Variants in VPS8 observed in about 807,000 individuals in gnomAD.
The protein encoded by VPS8 is VPS8 subunit of CORVET complex.
In VPS8, 129 loss-of-function variants were observed where a neutral mutation model predicts 216.4. The ratio of observed to expected loss-of-function variants is 0.60; its 90% confidence interval spans 0.52 to 0.69. The LOEUF (loss-of-function observed/expected upper bound fraction) is 0.69. VPS8 is among the 30% of genes least tolerant of loss of function. VPS8 has a pLI of 0.00. For synonymous variants in VPS8, 571 were observed against 565.4 expected (o/e 1.01, Z -0.14); for missense variants, 1,531 against 1,683.5 (o/e 0.91, Z 1.59).
intron 7 of VPS8, among the ~76,000 whole-genome samples, chr3:184,842,984 G>A (rs1722468749): frequency 6.8e-6 from 1 of 148,098 alleles, no homozygotes; most frequent in Non-Finnish European, 1.5e-5. Context: ...AATTGTTTTT[G>A]TTTTTATCTA....
rs892416207 is a variant in VPS8 at position 185,041,743 on chromosome 3, A to G, written c.4057-6736A>G. ...TGTAAAGGTCATGGAATTTGAACAGAGCTTCGCAGATTGTGCTGCTCTAAT... is the reference window on the plus strand; with the variant it reads ...TGTAAAGGTCATGGAATTTGAACAGGGCTTCGCAGATTGTGCTGCTCTAAT... On this transcript the variant is annotated intron_variant, in intron 46 of 47. Coordinates refer to ENST00000625842, the MANE Select transcript of VPS8 (RefSeq NM_001009921.3). 1.1e-4 allele frequency among the ~76,000 whole-genome samples: 17 copies of G among 152,354 alleles called. No homozygotes were observed. The South Asian group carries it at 3.5e-3, about 32-fold the overall frequency.
intron 8 of VPS8, among the ~76,000 whole-genome samples, chr3:184,847,995 C>G (rs1723456089): frequency 6.6e-6 from 1 of 152,110 alleles, no homozygotes; most frequent in Non-Finnish European, 1.5e-5. Flanking sequence ...TCACTGCAAC[C>G]TTTGCCTTCT....
intron 46 of VPS8, among the ~76,000 whole-genome samples, chr3:185,030,386 C>T (rs913143726): frequency 9.2e-5 from 14 of 152,152 alleles, no homozygotes; most frequent in African/African-American, 3.1e-4. Context: ...GTTTTAGATC[C>T]GCTTTCTCTG....
chr3:184,991,306 G>A (rs920486789), intron 42 of VPS8, among the ~76,000 whole-genome samples: 1 of 152,190 alleles, frequency 6.6e-6, no homozygotes, highest in South Asian at 2.1e-4. Flanking sequence ...CAACTTAAGA[G>A]AAACCTCAGC....
chr3:184,960,348 G>GA (rs923970273), intron 37 of VPS8, among the ~76,000 whole-genome samples: 5 of 151,920 alleles, frequency 3.3e-5, no homozygotes, highest in African/African-American at 1.2e-4. Flanking sequence ...GGAGATTTCA[G>GA]AAAAAAAGCG....
At chr3:184,941,362 T>G (rs1215895285) in intron 36 of VPS8, among the ~76,000 whole-genome samples, 1 of 149,842 alleles carries the variant, frequency 6.7e-6, no homozygotes, top group East Asian at 1.9e-4. Flanking sequence ...CAAGACCTTT[T>G]CAAAGTATCT....
In VPS8 at chr3:184,957,372, A is replaced by G. The variant is rs1745787523; in HGVS notation, c.3036-2A>G. On this transcript the variant is annotated splice_acceptor_variant, in intron 36 of 47. Coordinates refer to ENST00000625842, the MANE Select transcript of VPS8 (RefSeq NM_001009921.3). LOFTEE classifies it high-confidence loss of function. ...TGTTCTCTTTATCTTTTATGTTTTT[A>G]GGGAAGGTATTCATGTAAATCAAGA... 1 of 1,604,730 alleles carries G rather than the reference A, an allele frequency of 6.2e-7. No homozygotes were observed. The highest frequency in any genetic ancestry group is 8.5e-7 in the Non-Finnish European group (1 of 1,174,998).
rs115992124 is a variant in VPS8, at chr3:184,895,186, A to G, written c.2004+261A>G. Among the ~76,000 whole-genome samples, 709 of 152,276 alleles carry G rather than the reference A, an allele frequency of 4.7e-3. 7 individuals carry two copies. Among genetic ancestry groups the G allele is most frequent in the African/African-American group, 0.016 (663 of 41,548 alleles). Reference sequence around the variant, plus strand: ...TTTCACATCCCCAGTAGCACTTGGTATAGAGTTTACATTTAGAAGTTGCTC... The same window carrying G: ...TTTCACATCCCCAGTAGCACTTGGTGTAGAGTTTACATTTAGAAGTTGCTC... On this transcript the variant is annotated intron_variant, in intron 23 of 47. Transcript: ENST00000625842.
intron 28 of VPS8, chr3:184,919,136 G>A (rs1193683551): frequency 2.6e-5 from 4 of 152,204 alleles, no homozygotes; most frequent in Non-Finnish European, 4.4e-5. Context: ...GAAATTGGGG[G>A]AAATTCAGGC....
Position 184,839,736 on chromosome 3 carries a change from A to T in VPS8, c.519A>T (p.Gly173=). ...TGATAGCAGTGGGTACATCTCATGG[A>T]TTGGCTTTAATATTTGGTAAATTTT... ...SSLIAVGTSH[G]LALIFGKDQN... is the part of the protein sequence containing the mutation. Residue 173 remains glycine, a synonymous_variant, in exon 7 of 48, where the codon GGA becomes GGT. Transcript: ENST00000625842. 2 of 1,603,848 alleles carry T rather than the reference A, an allele frequency of 1.2e-6. No individual in the cohort carries two copies. Among genetic ancestry groups the T allele is most frequent in the Non-Finnish European group, 1.7e-6 (2 of 1,174,448 alleles).
chr3:184,839,198 T>C (rs1476489100), intron 6 of VPS8: 2 of 177,942 alleles, frequency 1.1e-5, no homozygotes, highest in African/African-American at 4.8e-5. Flanking sequence ...AGCACGCTGG[T>C]ACTCTCTCTT....
At chr3:184,939,876 G>A (rs1353213586) in intron 35 of VPS8, among the ~76,000 whole-genome samples, 1 of 152,132 alleles carries the variant, frequency 6.6e-6, no homozygotes, top group Non-Finnish European at 1.5e-5. Flanking sequence ...CCACAGAGCA[G>A]TTCCAAGCAC....
intron 44 of VPS8, among the ~76,000 whole-genome samples, chr3:184,998,142 C>T (rs1752868846): frequency 6.6e-6 from 1 of 152,222 alleles, no homozygotes; most frequent in Admixed American, 6.5e-5. Flanking sequence ...CCAAGTCTAA[C>T]TCATTTTTAT....
intron 29 of VPS8, among the ~76,000 whole-genome samples, chr3:184,923,611 C>A (rs1270158489): frequency 1.3e-5 from 2 of 152,132 alleles, no homozygotes; most frequent in Non-Finnish European, 2.9e-5. Flanking sequence ...TAGTAGCTCC[C>A]CAGTTTTCTG....
intron 21 of VPS8, 65 bp from the exon 22 acceptor site, chr3:184,886,045 G>C (rs1731155963): frequency 6.5e-7 from 1 of 1,536,048 alleles, no homozygotes; most frequent in African/African-American, 1.4e-5. Context: ...AAGCAGACCT[G>C]TCATTATCAG....
chr3:185,024,623 A>C (rs376864715), intron 46 of VPS8, among the ~76,000 whole-genome samples: 1 of 152,246 alleles, frequency 6.6e-6, no homozygotes, highest in Admixed American at 6.5e-5. Flanking sequence ...TAGAATGTCC[A>C]TCTTCCAGGC....
At chr3:184,964,386 G>A (rs1747041976) in intron 37 of VPS8, 82 bp from the exon 38 acceptor site, 2 of 752,776 alleles carry the variant, frequency 2.7e-6, no homozygotes, top group Non-Finnish European at 3.9e-6. Context: ...TTTATCATAT[G>A]AGTTTTTTCA....
intron 1 of VPS8, among the ~76,000 whole-genome samples, chr3:184,815,329 A>T (rs191192599): frequency 1.3e-5 from 2 of 152,332 alleles, no homozygotes; most frequent in East Asian, 3.9e-4. Flanking sequence ...GCAGTGCGGT[A>T]GGTCTGTTTA....
intron 5 of VPS8, among the ~76,000 whole-genome samples, chr3:184,836,632 A>G (rs966648181): frequency 6.6e-6 from 1 of 152,094 alleles, no homozygotes; most frequent in South Asian, 2.1e-4. Flanking sequence ...GTGCCTTCCT[A>G]TTTTTGGATT....
Sources: allele counts gnomAD v4.1 joint callset (sites outside exome capture counted in the v4.1 genomes callset), GRCh38; gene constraint gnomAD v4.1.1; transcripts MANE v1.5; gene names NCBI Gene and HGNC (gene_info 2026-07-23, HGNC 2026-07-21).